The following NLRP4 variants were observed in gnomAD, a reference collection of about 807,000 sequenced individuals.
The protein encoded by NLRP4 is NLR family pyrin domain containing 4.
NLRP4 carries 44 observed loss-of-function variants against 84.7 expected under a neutral mutation model. The observed-to-expected ratio is 0.52, with a 90% confidence interval of 0.41 to 0.67. NLRP4 has a LOEUF of 0.67. Among genes scored for constraint, NLRP4 ranks in the 30% least tolerant of loss-of-function variants. The pLI is 0.00. For synonymous variants in NLRP4, 544 were observed against 476.4 expected, an observed-to-expected ratio of 1.14 and a Z score of -1.85; for missense variants, 1,260 against 1,219.4, an observed-to-expected ratio of 1.03 and a Z score of -0.50.
At chr19:55,837,551 A>G (rs1327531054) in intron 1 of NLRP4, among the ~76,000 whole-genome samples, 3 of 151,846 alleles carry the variant, frequency 2.0e-5, no homozygotes, top group Non-Finnish European at 2.9e-5. Context: ...TTATCTTTCT[A>G]TATCAATAAA....
chr19:55,870,713 C>A, intron 6 of NLRP4, 114 bp from the exon 7 acceptor site: 1 of 712,686 alleles, frequency 1.4e-6, no homozygotes, highest in Non-Finnish European at 2.4e-6. Context: ...AACTTCATCT[C>A]AGCTGGGGAG....
intron 2 of NLRP4, among the ~76,000 whole-genome samples, chr19:55,857,113 A>G (rs775058618): frequency 4.6e-5 from 7 of 152,254 alleles, no homozygotes; most frequent in Non-Finnish European, 8.8e-5. Flanking sequence ...TAATATTTGT[A>G]TAATAGCTTG....
intron 7 of NLRP4, among the ~76,000 whole-genome samples, chr19:55,875,678 A>G (rs1371808563): frequency 1.3e-5 from 2 of 152,174 alleles, no homozygotes; most frequent in East Asian, 3.8e-4. Context: ...TGAAAAGTAA[A>G]TTTTAAAATG....
chr19:55,839,582 G>A lies in NLRP4; in HGVS notation c.-66+2648G>A, dbSNP rs956095541. Among the ~76,000 whole-genome samples, 10 of 151,442 alleles carry A rather than the reference G, an allele frequency of 6.6e-5. No homozygotes were observed. In the East Asian group the frequency reaches 1.9e-3, roughly 30 times the overall value. ...TTTGAACAAAATTATCAGTTTTATT[G>A]GCATAAAAATGGTAATAGTCTCAAT... On this transcript the variant is annotated intron_variant, in intron 1 of 9. Transcript: ENST00000301295.
rs111230336 is a variant in NLRP4 at position 55,850,765 on chromosome 19, A to G, written c.-65-1251A>G. On this transcript the variant is annotated intron_variant, in intron 1 of 9. Coordinates refer to ENST00000301295, the MANE Select transcript of NLRP4 (RefSeq NM_134444.5). Reference sequence around the variant, plus strand: ...GTGTACTTCCCGAGGCTGCGGTGTAATTTCCGAGGCTGCGGTGTAATTCCC... The same window carrying G: ...GTGTACTTCCCGAGGCTGCGGTGTAGTTTCCGAGGCTGCGGTGTAATTCCC... 3.1e-5 allele frequency among the ~76,000 whole-genome samples: 2 copies of G among 63,854 alleles called. 1 individual carries two copies. The highest frequency in any genetic ancestry group is 2.4e-4 in the African/African-American group (2 of 8,432). The allele number at this position is 63,854 out of a possible 152,430, so 41.9% of individuals were successfully genotyped here.
intron 1 of NLRP4, among the ~76,000 whole-genome samples, chr19:55,838,246 G>C (rs994650483): frequency 6.6e-6 from 1 of 151,786 alleles, no homozygotes; most frequent in African/African-American, 2.4e-5. Context: ...AGGTTGCAGT[G>C]AGCCAAGATT....
chr19:55,850,183 T>G (rs1272314437), intron 1 of NLRP4, among the ~76,000 whole-genome samples: 1 of 131,666 alleles, frequency 7.6e-6, no homozygotes, highest in African/African-American at 3.4e-5. Context: ...GGCTGCGGTG[T>G]AATTTCCGTG....
rs182921381 is a variant in NLRP4, at chr19:55,850,111, G to A, written c.-65-1905G>A. ...TTTCCGTGGCTGCGGTGTAATTACC[G>A]TAGCTGCGGTGTAATTTCCGTGGCT... is the stretch of plus-strand genomic sequence containing the variant. On this transcript the variant is annotated intron_variant, in intron 1 of 9. Transcript: ENST00000301295. 3.2e-3 allele frequency among the ~76,000 whole-genome samples: 430 copies of A among 135,070 alleles called. 39 individuals are homozygous for A. Among genetic ancestry groups the A allele is most frequent in the Non-Finnish European group, 1.3e-3 (82 of 61,384 alleles). The allele number at this position is 135,070 out of a possible 152,430, so 88.6% of individuals were successfully genotyped here. A position where few individuals can be genotyped will look rare whatever the true frequency, so the allele number is the denominator to read the frequency against.
At chr19:55,845,165 A>T in intron 1 of NLRP4, among the ~76,000 whole-genome samples, 1 of 130,366 alleles carries the variant, frequency 7.7e-6, no homozygotes, top group Non-Finnish European at 1.6e-5. Context: ...TCCTAATGCT[A>T]TCCCTCCCCC....
At chr19:55,876,167 C>T (rs1308596095) in intron 7 of NLRP4, among the ~76,000 whole-genome samples, 1 of 152,200 alleles carries the variant, frequency 6.6e-6, no homozygotes, top group African/African-American at 2.4e-5. Context: ...CAGAAACAGA[C>T]TGATCCACGT....
chr19:55,857,022 A>G (rs902571860), intron 2 of NLRP4, among the ~76,000 whole-genome samples: 63 of 152,146 alleles, frequency 4.1e-4, no homozygotes, highest in African/African-American at 1.4e-3. Context: ...GTGTATATAA[A>G]TCCCTTGTTT....
chr19:55,878,481 AGACGGCT>A (rs1985454588), intron 8 of NLRP4, among the ~76,000 whole-genome samples: 1 of 151,768 alleles, frequency 6.6e-6, no homozygotes, highest in Non-Finnish European at 1.5e-5. Flanking sequence ...TTGTTATCTG[AGACGGCT>A]TCATACCTTT....
chr19:55,857,467 A>G lies in NLRP4; in HGVS notation c.281-207A>G, dbSNP rs188232369. ...CATAGCTGTTCAGCTCTGCTATTCA[A>G]TCAGGAAGGCTCCTGTAGACAATAT... On this transcript the variant is annotated intron_variant, in intron 2 of 9. Transcript: ENST00000301295. 1.3e-3 allele frequency: 751 copies of G among 582,264 alleles called. 8 individuals carry two copies. The highest frequency in any genetic ancestry group is 2.8e-4 in the South Asian group (12 of 42,452). The allele number at this position is 582,264 out of a possible 1,614,324, so 36.1% of individuals were successfully genotyped here. A position where few individuals can be genotyped will look rare whatever the true frequency, so the allele number is the denominator to read the frequency against.
chr19:55,873,655 A>C (rs1207476097), intron 7 of NLRP4, among the ~76,000 whole-genome samples: 1 of 152,176 alleles, frequency 6.6e-6, no homozygotes, highest in Non-Finnish European at 1.5e-5. Flanking sequence ...ATGAAAATGA[A>C]AGGATAGAAA....
intron 1 of NLRP4, among the ~76,000 whole-genome samples, chr19:55,851,422 G>A (rs1444840244): frequency 1.9e-5 from 1 of 53,212 alleles, no homozygotes; most frequent in Non-Finnish European, 2.9e-5. Flanking sequence ...AGGCTGCGGT[G>A]TAATTTACGA....
chr19:55,855,146 G>C (rs1984362068), intron 2 of NLRP4, among the ~76,000 whole-genome samples: 1 of 152,178 alleles, frequency 6.6e-6, no homozygotes, highest in Admixed American at 6.5e-5. Context: ...GGAGGATGAG[G>C]CTGCAGTGAG....
intron 7 of NLRP4, among the ~76,000 whole-genome samples, chr19:55,875,178 A>G (rs1482435371): frequency 6.6e-6 from 1 of 152,214 alleles, no homozygotes; most frequent in Non-Finnish European, 1.5e-5. Context: ...ATCATGAAAA[A>G]GATAAGAACG....
intron 3 of NLRP4, among the ~76,000 whole-genome samples, chr19:55,859,944 A>C (rs1304696664): frequency 3.2e-5 from 4 of 125,018 alleles, no homozygotes; most frequent in South Asian, 2.4e-4. Flanking sequence ...AAAAAAAAAA[A>C]AAAAAAAACA....
chr19:55,869,061 G>C (rs1338485847), intron 6 of NLRP4, among the ~76,000 whole-genome samples: 1 of 152,112 alleles, frequency 6.6e-6, no homozygotes, highest in East Asian at 1.9e-4. Context: ...TGAGTGATAA[G>C]GGACAAACAG....
Sources: gnomAD v4.1 joint callset for allele counts (sites outside exome capture counted in the v4.1 genomes callset) on GRCh38, gnomAD v4.1.1 for gene constraint, MANE v1.5 for transcripts, NCBI Gene and HGNC (gene_info 2026-07-23, HGNC 2026-07-21) for gene names.